Variants in PPP6R3 observed in about 807,000 individuals in gnomAD.
The protein encoded by PPP6R3 is protein phosphatase 6 regulatory subunit 3.
A neutral mutation model predicts 110.7 loss-of-function variants in PPP6R3; 38 were observed. That is an observed-to-expected ratio of 0.34 (90% CI 0.26 to 0.45). The LOEUF (loss-of-function observed/expected upper bound fraction) is 0.45, where lower values mean the gene tolerates loss of function less well. Among genes scored for constraint, PPP6R3 ranks in the 20% least tolerant of loss-of-function variants. PPP6R3 has a pLI of 1.00. For synonymous variants in PPP6R3, 369 were observed against 373.5 expected (o/e 0.99, Z 0.14); for missense variants, 870 against 1,062.4 (o/e 0.82, Z 2.52).
chr11:68,609,847 GT>G, intron 22 of PPP6R3, 56 bp from the exon 23 acceptor site: 1 of 1,608,096 alleles, frequency 6.2e-7, no homozygotes. Context: ...TCATCCTCTG[GT>G]GCCTAGGTGC....
chr11:68,465,416 T>C (rs1313770291), intron 1 of PPP6R3, among the ~76,000 whole-genome samples: 1 of 152,126 alleles, frequency 6.6e-6, no homozygotes, highest in Non-Finnish European at 1.5e-5. Flanking sequence ...AGGGTAGATC[T>C]TTTTTGCTCA....
chr11:68,587,769 TG>T, intron 15 of PPP6R3, 157 bp from the exon 16 acceptor site: 1 of 729,090 alleles, frequency 1.4e-6, no homozygotes, highest in South Asian at 1.5e-5. Context: ...TGGCAAATTG[TG>T]TCTGAAATTA....
chr11:68,575,952 C>T lies in PPP6R3; in HGVS notation c.1460-6C>T, dbSNP rs780244675. 1.7e-5 allele frequency: 28 copies of T among 1,603,832 alleles called. No individual in the cohort carries two copies. The Admixed American group carries it at 4.1e-4, about 23-fold the overall frequency. On this transcript the variant is annotated splice_region_variant and splice_polypyrimidine_tract_variant and intron_variant, in intron 13 of 23. Coordinates refer to ENST00000393800, the MANE Select transcript of PPP6R3 (RefSeq NM_001164161.2). ...ATAATGCTTTTTTGCTTTTCTCACT[C>T]TGAAGATCTTCCCGACGAAGTCAGG...
At chr11:68,465,866 A>G (rs1393880902) in intron 1 of PPP6R3, among the ~76,000 whole-genome samples, 4 of 152,238 alleles carry the variant, frequency 2.6e-5, no homozygotes, top group Non-Finnish European at 5.9e-5. Context: ...AAAGAATAAG[A>G]TAGTTACACT....
In PPP6R3 at chr11:68,613,005, T is replaced by G. The variant is rs760541485; in HGVS notation, c.2571-61T>G. 4 of 1,613,082 alleles carry G rather than the reference T, an allele frequency of 2.5e-6. No homozygotes were observed. The African/African-American group carries it at 4.0e-5, about 16-fold the overall frequency. ...CCTGCCCTTGGGGAGCTCAGCTAAG[T>G]AGGTTTTGTTTTTCATATTTCTGCT... On this transcript the variant is annotated intron_variant, in intron 23 of 23. Transcript: ENST00000393800.
intron 3 of PPP6R3, among the ~76,000 whole-genome samples, chr11:68,538,181 T>C (rs188149586): frequency 3.9e-5 from 6 of 152,348 alleles, no homozygotes; most frequent in East Asian, 3.9e-4. Flanking sequence ...GATTAAAATA[T>C]TTACTTTGCA....
intron 18 of PPP6R3, among the ~76,000 whole-genome samples, chr11:68,592,998 G>A (rs1158007338): frequency 6.6e-6 from 1 of 152,202 alleles, no homozygotes; most frequent in African/African-American, 2.4e-5. Context: ...GAACACTGAT[G>A]ACAGAAGGCA....
rs550564000 is a variant in PPP6R3 at position 68,557,077 on chromosome 11, T to A, written c.732-1489T>A. On this transcript the variant is annotated intron_variant, in intron 7 of 23. Transcript: ENST00000393800. ...AGTGTGGACCTCCACAGTCACATGC[T>A]GTCAGTACCCCTCCACCTGGGGTGA... Among the ~76,000 whole-genome samples, 25 of 152,390 alleles carry A rather than the reference T, an allele frequency of 1.6e-4. 1 individual carries two copies. The South Asian group carries it at 5.0e-3, about 30-fold the overall frequency.
chr11:68,595,219 T>C (rs1338492654), intron 18 of PPP6R3, among the ~76,000 whole-genome samples: 2 of 97,832 alleles, frequency 2.0e-5, no homozygotes, highest in African/African-American at 9.9e-5. Context: ...TTTTTTTTTT[T>C]TTTTTTTTTT....
At chr11:68,484,848 A>G (rs61889583) in intron 1 of PPP6R3, among the ~76,000 whole-genome samples, 354 of 152,222 alleles carry the variant, frequency 2.3e-3, no homozygotes, top group Non-Finnish European at 4.1e-3. Context: ...CGGCCTCCCA[A>G]TGTGCTGAGA....
chr11:68,560,356 G>A (rs962110098), intron 8 of PPP6R3, among the ~76,000 whole-genome samples: 12 of 152,288 alleles, frequency 7.9e-5, no homozygotes, highest in Admixed American at 3.9e-4. Flanking sequence ...ACAAATAATA[G>A]GAATGACTGT....
chr11:68,495,819 G>A (rs111295352), intron 1 of PPP6R3, among the ~76,000 whole-genome samples: 2 of 152,188 alleles, frequency 1.3e-5, no homozygotes, highest in African/African-American at 2.4e-5. Flanking sequence ...TTCTGTGAAA[G>A]TATGTTTCAA....
At chr11:68,553,241 G>A (rs1205984905) in intron 6 of PPP6R3, among the ~76,000 whole-genome samples, 3 of 151,636 alleles carry the variant, frequency 2.0e-5, no homozygotes, top group Admixed American at 1.3e-4. Flanking sequence ...CTGAGAGAAG[G>A]CTTAATATTT....
At chr11:68,571,210 T>C (rs1226257495) in intron 12 of PPP6R3, 106 bp downstream of exon 12, 1 of 1,359,684 alleles carries the variant, frequency 7.4e-7, no homozygotes, top group Non-Finnish European at 9.7e-7. Flanking sequence ...TACATGATAC[T>C]GGCCATTTTA....
intron 7 of PPP6R3, among the ~76,000 whole-genome samples, chr11:68,557,140 A>G (rs182403384): frequency 5.7e-4 from 87 of 152,308 alleles, no homozygotes; most frequent in African/African-American, 2.0e-3. Flanking sequence ...ATTTTAAAAG[A>G]TAGTTTGTTT....
chr11:68,510,701 C>T (rs1398137448), intron 1 of PPP6R3, among the ~76,000 whole-genome samples: 2 of 152,094 alleles, frequency 1.3e-5, no homozygotes, highest in Non-Finnish European at 2.9e-5. Flanking sequence ...GTCAACTATT[C>T]TAGATTGGGT....
intron 1 of PPP6R3, among the ~76,000 whole-genome samples, chr11:68,474,716 T>G (rs1264817360): frequency 6.6e-6 from 1 of 152,178 alleles, no homozygotes; most frequent in Non-Finnish European, 1.5e-5. Context: ...ATTTTTAAAT[T>G]ACTTATTTGG....
chr11:68,544,336 A>G (rs538506267), intron 3 of PPP6R3, among the ~76,000 whole-genome samples: 6 of 152,362 alleles, frequency 3.9e-5, no homozygotes, highest in Non-Finnish European at 7.3e-5. Context: ...ATATAGACTT[A>G]GTACCATTTA....
At chr11:68,489,572 G>GTGTGTGTGTC (rs1176736308) in intron 1 of PPP6R3, among the ~76,000 whole-genome samples, 2 of 151,890 alleles carry the variant, frequency 1.3e-5, no homozygotes, top group African/African-American at 2.4e-5. Flanking sequence ...GTGTGTGTGT[G>GTGTGTGTGTC]TGTGTGTTTT....
Sources: allele counts gnomAD v4.1 joint callset (sites outside exome capture counted in the v4.1 genomes callset), GRCh38; gene constraint gnomAD v4.1.1; transcripts MANE v1.5; gene names NCBI Gene and HGNC (gene_info 2026-07-23, HGNC 2026-07-21).